TMEM120A: variants seen among roughly 807,000 people sequenced by gnomAD.
The protein encoded by TMEM120A is transmembrane protein 120A.
TMEM120A carries 45 observed loss-of-function variants against 54.3 expected under a neutral mutation model. That is an observed-to-expected ratio of 0.83 (90% CI 0.65 to 1.06). The LOEUF (loss-of-function observed/expected upper bound fraction) is 1.06. Ranked by LOEUF, TMEM120A falls within the 50% of genes least tolerant of loss-of-function variation. The pLI is 0.00. For missense variants in TMEM120A, 424 were observed against 441.7 expected (o/e 0.96, Z 0.36); for synonymous variants, 204 against 178.5 (o/e 1.14, Z -1.14).
In TMEM120A at chr7:75,988,127, G is replaced by A. The variant is rs782085273; in HGVS notation, c.585C>T (p.Phe195=). Residue 195 remains phenylalanine (F), a synonymous_variant, in exon 7 of 12, where the codon TTC becomes TTT. Coordinates refer to ENST00000493111, the MANE Select transcript of TMEM120A (RefSeq NM_031925.3). ...ACAGGAAGGTGGACACGTAGTGATG[G>A]AACACCCACCAGCCTTTGATCCTGG... ...NGSRIKGWWV[F]HHYVSTFLSG... is the part of the protein sequence containing the mutation. 33 of 1,610,228 alleles carry A rather than the reference G, an allele frequency of 2.0e-5. No homozygotes were observed. The South Asian group carries it at 3.3e-4, about 16-fold the overall frequency.
At chr7:75,990,661 G>A (rs1175417125) in intron 3 of TMEM120A, among the ~76,000 whole-genome samples, 1 of 151,980 alleles carries the variant, frequency 6.6e-6, no homozygotes, top group Non-Finnish European at 1.5e-5. Flanking sequence ...CGAGGCGGGT[G>A]GATCATGAGG....
intron 3 of TMEM120A, among the ~76,000 whole-genome samples, chr7:75,991,343 GC>G (rs1198788667): frequency 6.6e-6 from 1 of 152,040 alleles, no homozygotes; most frequent in Non-Finnish European, 1.5e-5. Flanking sequence ...AGTTCTCATG[GC>G]CCGTCCACCT....
At chr7:75,991,155 T>C (rs1020777918) in intron 3 of TMEM120A, among the ~76,000 whole-genome samples, 3 of 152,062 alleles carry the variant, frequency 2.0e-5, no homozygotes, top group African/African-American at 7.2e-5. Flanking sequence ...GATTTTTTGC[T>C]CAGCAGGGGG....
At position 75,988,077 on chromosome 7, in the gene TMEM120A, A is replaced by G; in HGVS notation, c.629+6T>C. 3 of 1,606,176 alleles carry G rather than the reference A, an allele frequency of 1.9e-6. No individual in the cohort carries two copies. Among genetic ancestry groups the G allele is most frequent in the South Asian group, 1.1e-5 (1 of 89,996 alleles). Reference sequence around the variant, plus strand: ...CTCCTGCCCCTGCCGGGGCCCAGCCACTCACCACGTCAGCATGACTCCCGA... The same window carrying G: ...CTCCTGCCCCTGCCGGGGCCCAGCCGCTCACCACGTCAGCATGACTCCCGA... On this transcript the variant is annotated splice_donor_region_variant and intron_variant, in intron 7 of 11. Coordinates refer to ENST00000493111, the MANE Select transcript of TMEM120A (RefSeq NM_031925.3).
intron 11 of TMEM120A, 29 bp from the exon 12 acceptor site, chr7:75,987,314 C>G (rs1563438474): frequency 1.3e-6 from 2 of 1,572,604 alleles, no homozygotes; most frequent in Middle Eastern, 1.7e-4. Context: ...GAGGGCTGGA[C>G]ATGGGCCTGG....
chr7:75,992,798 GTGTTTT>G (rs572837198), intron 1 of TMEM120A, among the ~76,000 whole-genome samples: 31 of 152,208 alleles, frequency 2.0e-4, no homozygotes, highest in East Asian at 1.5e-3. Flanking sequence ...AACAGACTAG[GTGTTTT>G]TGTTTTTGTT....
At position 75,987,911 on chromosome 7, in the gene TMEM120A, T is replaced by C; in HGVS notation, c.691+12A>G. 6.2e-7 allele frequency: 1 copy of C among 1,602,518 alleles called. No individual in the cohort carries two copies. On this transcript the variant is annotated intron_variant, in intron 8 of 11. Transcript: ENST00000493111. ...GCCTCCAGGGCTCAGCACAGACATC[T>C]GGGACACTCACTCTGGTACATGGAA...
At chr7:75,991,884 A>G (rs1453229833) in intron 3 of TMEM120A, among the ~76,000 whole-genome samples, 4 of 151,918 alleles carry the variant, frequency 2.6e-5, no homozygotes, top group Non-Finnish European at 4.4e-5. Flanking sequence ...CCATCCCCTA[A>G]TCCAGGAAGC....
intron 1 of TMEM120A, among the ~76,000 whole-genome samples, chr7:75,993,897 G>C (rs1474941816): frequency 6.6e-6 from 1 of 152,136 alleles, no homozygotes; most frequent in Non-Finnish European, 1.5e-5. Context: ...ACTGGCCTCG[G>C]AGGGACTCTG....
chr7:75,987,691 C>T lies in TMEM120A; in HGVS notation c.784+27G>A, dbSNP rs781957428. 22 of 1,610,314 alleles carry T rather than the reference C, an allele frequency of 1.4e-5. No homozygotes were observed. In the South Asian group the frequency reaches 2.4e-4, roughly 18 times the overall value. On this transcript the variant is annotated intron_variant, in intron 9 of 11. Transcript: ENST00000493111. ...CGGGATGGGAGGAAAGGGGAATGTCCAGATGCCAGGGCCACTCCCGACTCA... is the reference window on the plus strand; with the variant it reads ...CGGGATGGGAGGAAAGGGGAATGTCTAGATGCCAGGGCCACTCCCGACTCA...
chr7:75,992,290 A>G, intron 2 of TMEM120A, 30 bp from the exon 3 acceptor site: 3 of 1,582,258 alleles, frequency 1.9e-6, no homozygotes, highest in Non-Finnish European at 2.6e-6. Flanking sequence ...CAGTCAGGGC[A>G]AGAGGACTCC....
intron 11 of TMEM120A, 36 bp from the exon 12 acceptor site, chr7:75,987,321 C>A: frequency 6.4e-7 from 1 of 1,568,944 alleles, no homozygotes; most frequent in Non-Finnish European, 8.6e-7. Flanking sequence ...GGACATGGGC[C>A]TGGCCCCCCA....
At chr7:75,993,972 C>G (rs1789947899) in intron 1 of TMEM120A, among the ~76,000 whole-genome samples, 1 of 150,974 alleles carries the variant, frequency 6.6e-6, no homozygotes, top group Non-Finnish European at 1.5e-5. Context: ...CCCGTCCCAC[C>G]CCTCCCCTGG....
chr7:75,987,093 C>T lies in TMEM120A; in HGVS notation c.*79G>A. 8.2e-7 allele frequency: 1 copy of T among 1,215,702 alleles called. No homozygotes were observed. The highest frequency in any genetic ancestry group is 1.3e-5 in the South Asian group (1 of 77,116). The allele number at this position is 1,215,702 out of a possible 1,614,324, so 75.3% of individuals were successfully genotyped here. On this transcript the variant is annotated 3_prime_UTR_variant, in exon 12 of 12. Transcript: ENST00000493111. ...TAGAAGAGACCCCCTGATACACGCA[C>T]ACTCGAGGGGCGCCTCCCATCCCCT...
chr7:75,990,434 T>C (rs777288938), intron 3 of TMEM120A, among the ~76,000 whole-genome samples: 1 of 152,124 alleles, frequency 6.6e-6, no homozygotes, highest in Non-Finnish European at 1.5e-5. Flanking sequence ...TCCTGGGTCT[T>C]TCCCCTCTCG....
intron 1 of TMEM120A, among the ~76,000 whole-genome samples, chr7:75,992,874 C>A (rs1789904329): frequency 6.6e-6 from 1 of 152,222 alleles, no homozygotes; most frequent in Admixed American, 6.5e-5. Flanking sequence ...AGGATCTCAG[C>A]TCACTCCAAC....
Position 75,988,424 on chromosome 7 carries a change from G to A in TMEM120A, c.470C>T (p.Ser157Phe), listed in dbSNP as rs782501281. Residue 157 changes from serine to phenylalanine, a missense_variant, in exon 5 of 12, where the codon TCC (serine) becomes TTC (phenylalanine). By Grantham distance (155) the Ser-to-Phe change is radical. Transcript: ENST00000493111. Reference protein sequence around the residue: ...ISFTCRFLLNSRVTDAAFNFL... With the variant: ...ISFTCRFLLNFRVTDAAFNFL... ...TCGGCCGGGGTGGGACGCCCACCTGGAGTTGAGCAGGAAGCGGCAAGTGAA... is the reference window on the plus strand; with the variant it reads ...TCGGCCGGGGTGGGACGCCCACCTGAAGTTGAGCAGGAAGCGGCAAGTGAA... The A allele has an allele frequency of 6.2e-7, 1 of 1,611,460 alleles. No individual in the cohort carries two copies. The highest frequency in any genetic ancestry group is 1.7e-5 in the Admixed American group (1 of 59,926).
At chr7:75,987,329 C>A (rs1789557428) in intron 11 of TMEM120A, 31 bp downstream of exon 11, 1 of 1,566,380 alleles carries the variant, frequency 6.4e-7, no homozygotes, top group Non-Finnish European at 8.6e-7. Context: ...GCCTGGCCCC[C>A]CATCCATCCT....
intron 3 of TMEM120A, 86 bp from the exon 4 acceptor site, chr7:75,989,310 G>A: frequency 1.1e-6 from 1 of 895,812 alleles, no homozygotes; most frequent in Non-Finnish European, 1.8e-6. Flanking sequence ...GCCAGAGCCT[G>A]GGCCACCACC....
Sources: gnomAD v4.1 joint callset for allele counts (sites outside exome capture counted in the v4.1 genomes callset) on GRCh38, gnomAD v4.1.1 for gene constraint, MANE v1.5 for transcripts, NCBI Gene and HGNC (gene_info 2026-07-23, HGNC 2026-07-21) for gene names.